USH2A: variants seen among roughly 807,000 people sequenced by gnomAD.
USH2A encodes Usher syndrome 2A (autosomal recessive, mild).
USH2A carries 443 observed loss-of-function variants against 538.9 expected under a neutral mutation model. That is an observed-to-expected ratio of 0.82 (90% CI 0.76 to 0.89). The LOEUF is 0.89. USH2A is among the 40% of genes least tolerant of loss of function. USH2A has a pLI of 0.00. For missense variants in USH2A, 6,633 were observed against 6,324.8 expected, an observed-to-expected ratio of 1.05 and a Z score of -1.65; for synonymous variants, 2,413 against 2,273.5, an observed-to-expected ratio of 1.06 and a Z score of -1.75.
At chr1:216,340,054 T>C (rs931021410) in intron 4 of USH2A, among the ~76,000 whole-genome samples, 2 of 151,798 alleles carry the variant, frequency 1.3e-5, no homozygotes, top group Non-Finnish European at 2.9e-5. Context: ...GGAGCTGTTT[T>C]TTTTGAAAAC....
At chr1:215,921,423 G>A (rs1245992894) in intron 38 of USH2A, among the ~76,000 whole-genome samples, 1 of 151,850 alleles carries the variant, frequency 6.6e-6, no homozygotes, top group African/African-American at 2.4e-5. Context: ...ATAAACTTTA[G>A]AGCATGGGTT....
chr1:215,866,959 T>C (rs12727953), intron 44 of USH2A, 48 bp downstream of exon 44: 22 of 1,613,258 alleles, frequency 1.4e-5, no homozygotes, highest in Non-Finnish European at 1.8e-5. Context: ...AAGAATATGC[T>C]TTTAAAAATA....
chr1:216,352,534 TTA>T (rs2038307135), intron 4 of USH2A, among the ~76,000 whole-genome samples: 1 of 152,078 alleles, frequency 6.6e-6, no homozygotes, highest in African/African-American at 2.4e-5. Context: ...AAAAGAGGAA[TTA>T]AAGGCTCCTA....
chr1:215,637,774 T>TA (rs199976529), intron 69 of USH2A, among the ~76,000 whole-genome samples: 1 of 152,050 alleles, frequency 6.6e-6, no homozygotes, highest in South Asian at 2.1e-4. Flanking sequence ...TCAAAAAAAT[T>TA]AAAAAAAATT....
intron 43 of USH2A, among the ~76,000 whole-genome samples, chr1:215,868,766 T>C (rs915529146): frequency 6.6e-6 from 1 of 152,146 alleles, no homozygotes; most frequent in Non-Finnish European, 1.5e-5. Context: ...AGGGAGGTGA[T>C]GGCCATGTAA....
intron 58 of USH2A, among the ~76,000 whole-genome samples, chr1:215,751,252 T>A (rs1050915807): frequency 2.0e-5 from 3 of 152,184 alleles, no homozygotes; most frequent in East Asian, 1.9e-4. Context: ...AATAAAAAAA[T>A]TTGTATTTCT....
In USH2A at chr1:215,786,876, TGAGTC is replaced by T. The variant is rs1661818786; in HGVS notation, c.10183-7_10183-3del. 6.2e-7 allele frequency: 1 copy of T among 1,613,638 alleles called. No homozygotes were observed. Among genetic ancestry groups the T allele is most frequent in the South Asian group, 1.1e-5 (1 of 91,086 alleles). ...GAGGATCCTGCACTCTTTGGTTTCC[TGAGTC>T]AAGTGGCAGGGGTGAGAGAGAGAGG... On this transcript the variant is annotated splice_region_variant and splice_polypyrimidine_tract_variant and intron_variant, in intron 51 of 71. Coordinates refer to ENST00000307340, the MANE Select transcript of USH2A (RefSeq NM_206933.4).
intron 15 of USH2A, among the ~76,000 whole-genome samples, chr1:216,216,869 G>A (rs934701794): frequency 2.0e-5 from 3 of 151,966 alleles, no homozygotes; most frequent in African/African-American, 7.2e-5. Flanking sequence ...AATAATATGC[G>A]TGACGAATGA....
At chr1:216,378,790 G>C (rs558039153) in intron 3 of USH2A, among the ~76,000 whole-genome samples, 2 of 151,548 alleles carry the variant, frequency 1.3e-5, no homozygotes, top group Non-Finnish European at 2.9e-5. Flanking sequence ...TCTACTAATA[G>C]AACAAAGCCC....
chr1:215,992,055 G>A (rs1668014910), intron 35 of USH2A, among the ~76,000 whole-genome samples: 1 of 152,058 alleles, frequency 6.6e-6, no homozygotes, highest in South Asian at 2.1e-4. Context: ...AATATATCTA[G>A]TGCATTTGCC....
intron 13 of USH2A, among the ~76,000 whole-genome samples, chr1:216,241,288 C>T (rs1286674656): frequency 6.6e-6 from 1 of 152,108 alleles, no homozygotes; most frequent in Admixed American, 6.5e-5. Context: ...GAATAAACAT[C>T]TAAAGGAGTT....
chr1:215,922,771 T>C (rs1385094989), intron 38 of USH2A, among the ~76,000 whole-genome samples: 1 of 152,058 alleles, frequency 6.6e-6, no homozygotes, highest in Non-Finnish European at 1.5e-5. Flanking sequence ...GATCACACTA[T>C]AGATACTGCT....
intron 70 of USH2A, among the ~76,000 whole-genome samples, chr1:215,631,005 C>CTATACTG (rs1378941561): frequency 6.6e-6 from 1 of 152,148 alleles, no homozygotes; most frequent in African/African-American, 2.4e-5. Context: ...TTAAACTTAG[C>CTATACTG]TATACTGTAT....
chr1:215,628,925 G>A lies in USH2A; in HGVS notation c.15408C>T (p.Tyr5136=). 3 of 1,614,174 alleles carry A rather than the reference G, an allele frequency of 1.9e-6. No homozygotes were observed. The highest frequency in any genetic ancestry group is 2.5e-6 in the Non-Finnish European group (3 of 1,180,046). The change falls in exon 71 of 72, where the codon TAC becomes TAT. Residue 5136 remains tyrosine (Y), a synonymous_variant. Transcript: ENST00000307340. ...IPSQNQTSLT[Y]SQGSLHRSVS... ...CGCTGCGGTGAAGAGAACCCTGGGA[G>A]TAGGTTAGGCTGGTTTGGTTTTGAC... is the stretch of plus-strand genomic sequence containing the variant.
At chr1:215,950,747 T>C (rs1271095623) in intron 37 of USH2A, among the ~76,000 whole-genome samples, 1 of 152,032 alleles carries the variant, frequency 6.6e-6, no homozygotes, top group Non-Finnish European at 1.5e-5. Context: ...CCTGACCTTG[T>C]GATCCACCCG....
In USH2A at chr1:216,247,166, C is replaced by G. The variant is rs727504638; in HGVS notation, c.2228G>C (p.Gly743Ala). 2.5e-6 allele frequency: 4 copies of G among 1,614,048 alleles called. No individual in the cohort carries two copies. The highest frequency in any genetic ancestry group is 2.7e-5 in the African/African-American group (2 of 75,048). ...FKFLRSFNDV[G>A]CEPCQCNLHG... ...GAGGTTACACTGGCAGGGCTCACAT[C>G]CAACATCATTAAAGCTTCGGAGAAA... Residue 743 changes from glycine (G) to alanine (A), a missense_variant, in exon 13 of 72, where the codon GGA becomes GCA. Gly to Ala is a moderately conservative substitution (Grantham distance 60). Coordinates refer to ENST00000307340, the MANE Select transcript of USH2A (RefSeq NM_206933.4).
At chr1:216,376,076 AT>A (rs2038813656) in intron 3 of USH2A, among the ~76,000 whole-genome samples, 1 of 152,176 alleles carries the variant, frequency 6.6e-6, no homozygotes, top group Non-Finnish European at 1.5e-5. Flanking sequence ...AGCTATAATG[AT>A]TGGAAAAAAA....
chr1:216,168,864 G>A (rs538562935), intron 21 of USH2A, among the ~76,000 whole-genome samples: 2 of 152,020 alleles, frequency 1.3e-5, no homozygotes, highest in Admixed American at 1.3e-4. Flanking sequence ...GGACAGCTTT[G>A]ACTCCCTAGG....
At chr1:215,905,408 C>G (rs138224893) in intron 38 of USH2A, among the ~76,000 whole-genome samples, 2 of 152,090 alleles carry the variant, frequency 1.3e-5, no homozygotes, top group African/African-American at 4.8e-5. Flanking sequence ...TTCTATAATA[C>G]AAGACACTGA....
Sources: gnomAD v4.1 joint callset for allele counts (sites outside exome capture counted in the v4.1 genomes callset) on GRCh38, gnomAD v4.1.1 for gene constraint, MANE v1.5 for transcripts, NCBI Gene and HGNC (gene_info 2026-07-23, HGNC 2026-07-21) for gene names.